AP4E1: variants seen among roughly 807,000 people sequenced by gnomAD.
AP4E1 encodes adaptor related protein complex 4 subunit epsilon 1.
AP4E1 carries 56 observed loss-of-function variants against 128.2 expected under a neutral mutation model. The ratio of observed to expected loss-of-function variants is 0.44; its 90% CI spans 0.35 to 0.55. AP4E1 has a LOEUF of 0.55. Among genes scored for constraint, AP4E1 ranks in the 20% least tolerant of loss-of-function variants. AP4E1 has a pLI of 0.00. For synonymous variants in AP4E1, 484 were observed against 473.1 expected (o/e 1.02, Z -0.30); for missense variants, 1,324 against 1,307.7 (o/e 1.01, Z -0.19).
intron 16 of AP4E1, among the ~76,000 whole-genome samples, chr15:50,988,477 G>T (rs1366662091): frequency 1.3e-5 from 2 of 151,966 alleles, no homozygotes; most frequent in Admixed American, 1.3e-4. Context: ...ACCATACCCG[G>T]CTAATTTTTT....
rs190206805 is a variant in AP4E1, at chr15:50,975,946, A to G, written c.1966+7569A>G. ...GACAATATAGCTTGACCCCATCTCT[A>G]CAAAAGGGACAGAGAGAGAGAGAGA... On this transcript the variant is annotated intron_variant, in intron 15 of 20. Coordinates refer to ENST00000261842, the MANE Select transcript of AP4E1 (RefSeq NM_007347.5). 3.2e-3 allele frequency among the ~76,000 whole-genome samples: 459 copies of G among 145,654 alleles called. 10 individuals carry two copies. Among genetic ancestry groups the G allele is most frequent in the Admixed American group, 0.027 (391 of 14,402 alleles).
chr15:50,909,737 G>GA, intron 1 of AP4E1, among the ~76,000 whole-genome samples: 1 of 152,242 alleles, frequency 6.6e-6, no homozygotes, highest in South Asian at 2.1e-4. Flanking sequence ...GCGCAGGCTG[G>GA]AGTGCAGTGG....
chr15:50,941,559 A>G lies in AP4E1; in HGVS notation c.1061A>G (p.Tyr354Cys), dbSNP rs772322679. The G allele has an allele frequency of 2.5e-6, 4 of 1,612,770 alleles. No homozygotes were observed. Among genetic ancestry groups the G allele is most frequent in the Non-Finnish European group, 3.4e-6 (4 of 1,179,474 alleles). The change falls in exon 9 of 21, where the codon TAT (tyrosine) becomes TGT (cysteine). Residue 354 changes from tyrosine (Y) to cysteine (C), a missense_variant. Physicochemically the swap from Tyr to Cys is radical, Grantham distance 194. Coordinates refer to ENST00000261842, the MANE Select transcript of AP4E1 (RefSeq NM_007347.5). Reference sequence around the variant, plus strand: ...CTGTCACCTAAAATAAATCTAAAATATTTAGGTAAGATGATTGGTTCTTTT... The same window carrying G: ...CTGTCACCTAAAATAAATCTAAAATGTTTAGGTAAGATGATTGGTTCTTTT... ...FVLSPKINLK[Y>C]LGLKALTYVI...
chr15:50,917,881 C>T (rs2063648879), intron 3 of AP4E1: 1 of 152,518 alleles, frequency 6.6e-6, no homozygotes, highest in African/African-American at 2.4e-5. Context: ...AGGCAGATTG[C>T]TTGAGCTCAG....
chr15:50,995,901 C>T (rs1170607668), intron 17 of AP4E1, among the ~76,000 whole-genome samples: 1 of 147,686 alleles, frequency 6.8e-6, no homozygotes, highest in Non-Finnish European at 1.5e-5. Context: ...AAAAAAAGAC[C>T]AGAAAAGACC....
chr15:50,939,193 C>T (rs933332719), intron 8 of AP4E1, among the ~76,000 whole-genome samples: 16 of 152,160 alleles, frequency 1.1e-4, no homozygotes, highest in African/African-American at 3.9e-4. Context: ...TCAGTTGTGG[C>T]CGGGCAAGGT....
At chr15:50,941,638 A>C in intron 9 of AP4E1, 28 bp from the exon 10 acceptor site, 1 of 1,611,930 alleles carries the variant, frequency 6.2e-7, no homozygotes, top group Non-Finnish European at 8.5e-7. Flanking sequence ...GTTTCAATTC[A>C]CTTTGTATAA....
intron 3 of AP4E1, among the ~76,000 whole-genome samples, chr15:50,916,629 C>T (rs2063633995): frequency 6.6e-6 from 1 of 152,170 alleles, no homozygotes; most frequent in Non-Finnish European, 1.5e-5. Context: ...TGACAGATGT[C>T]TTGGTAAACA....
At position 50,912,166 on chromosome 15, in the gene AP4E1, A is replaced by G. The variant is rs368971820; in HGVS notation, c.222+17A>G. 3.7e-6 allele frequency: 6 copies of G among 1,600,184 alleles called. No homozygotes were observed. The highest frequency in any genetic ancestry group is 3.3e-5 in the South Asian group (3 of 90,444). On this transcript the variant is annotated intron_variant, in intron 2 of 20. Transcript: ENST00000261842. ...ACAACACTGGTAGGTTTGCATAGTC[A>G]GTGCCAACACATTTGAATTTGAAAT...
At chr15:50,915,325 AAT>A (rs2063616854) in intron 2 of AP4E1, 121 bp from the exon 3 acceptor site, 3 of 995,678 alleles carry the variant, frequency 3.0e-6, no homozygotes, top group Non-Finnish European at 4.4e-6. Context: ...ATTAATTTGT[AAT>A]ATATATGTTA....
Position 50,909,160 on chromosome 15 carries a change from G to T in AP4E1, c.150+232G>T, listed in dbSNP as rs2614789. 0.57 allele frequency among the ~76,000 whole-genome samples: 86,792 copies of T among 152,148 alleles called. 24,992 individuals carry two copies. The highest frequency in any genetic ancestry group is 0.62 in the African/African-American group (25,901 of 41,508). On this transcript the variant is annotated intron_variant, in intron 1 of 20. Coordinates refer to ENST00000261842, the MANE Select transcript of AP4E1 (RefSeq NM_007347.5). The stretch of plus-strand genomic sequence containing the variant: ...TAGTTCTGACACTGACTCTTTGATC[G>T]GGGGCACATCTCTGTAACCTCTGAG...
intron 18 of AP4E1, 102 bp downstream of exon 18, chr15:50,997,985 A>G (rs748123512): frequency 1.2e-5 from 11 of 880,956 alleles, no homozygotes; most frequent in Admixed American, 2.8e-5. Context: ...TAAACACTAA[A>G]ACGAAATTCT....
intron 15 of AP4E1, among the ~76,000 whole-genome samples, chr15:50,973,189 AG>A (rs1489878533): frequency 1.3e-5 from 2 of 152,252 alleles, no homozygotes; most frequent in South Asian, 2.1e-4. Flanking sequence ...CAGTGCTGAA[AG>A]GTTTTTCTTT....
chr15:50,949,385 G>T (rs1798141186), intron 11 of AP4E1, among the ~76,000 whole-genome samples: 1 of 148,560 alleles, frequency 6.7e-6, no homozygotes, highest in Non-Finnish European at 1.5e-5. Context: ...TGCCCTCCAG[G>T]CTTGGCGACA....
chr15:50,925,885 A>C (rs977924554), intron 5 of AP4E1, among the ~76,000 whole-genome samples: 1 of 151,522 alleles, frequency 6.6e-6, no homozygotes, highest in Non-Finnish European at 1.5e-5. Flanking sequence ...TCGGCCTCCC[A>C]AAGTGCTGGG....
chr15:50,975,448 T>C (rs554002979), intron 15 of AP4E1, among the ~76,000 whole-genome samples: 1 of 152,288 alleles, frequency 6.6e-6, no homozygotes, highest in East Asian at 1.9e-4. Flanking sequence ...GTTAAGTCCT[T>C]AGTTCATTTT....
At chr15:50,992,400 A>G (rs1364300838) in intron 16 of AP4E1, among the ~76,000 whole-genome samples, 3 of 152,132 alleles carry the variant, frequency 2.0e-5, no homozygotes, top group Non-Finnish European at 4.4e-5. Flanking sequence ...AAGGTGTGCT[A>G]TGTGATGTTT....
At chr15:50,973,475 G>A (rs926438714) in intron 15 of AP4E1, among the ~76,000 whole-genome samples, 4 of 151,988 alleles carry the variant, frequency 2.6e-5, no homozygotes, top group South Asian at 4.2e-4. Flanking sequence ...TGTATAATAC[G>A]TTATGATTGA....
chr15:51,001,214 G>A, intron 20 of AP4E1, 31 bp downstream of exon 20: 1 of 1,588,328 alleles, frequency 6.3e-7, no homozygotes, highest in Non-Finnish European at 8.6e-7. Context: ...GCTATTCTGT[G>A]TTTATAGGAG....
Sources: allele counts gnomAD v4.1 joint callset (sites outside exome capture counted in the v4.1 genomes callset), GRCh38; gene constraint gnomAD v4.1.1; transcripts MANE v1.5; gene names NCBI Gene and HGNC (gene_info 2026-07-23, HGNC 2026-07-21).